PARP8: variants seen among roughly 807,000 people sequenced by gnomAD.
PARP8 encodes poly(ADP-ribose) polymerase family member 8, also known as protein mono-ADP-ribosyltransferase PARP8.
Under a neutral mutation model 124.1 loss-of-function variants are expected in PARP8, and 51 were observed. The ratio of observed to expected loss-of-function variants is 0.41; its 90% CI spans 0.33 to 0.52. The LOEUF is 0.52. Among genes scored for constraint, PARP8 ranks in the 20% least tolerant of loss-of-function variants. PARP8 has a pLI of 0.21. For missense variants in PARP8, 860 were observed against 1,018.9 expected (o/e 0.84, Z 2.12); for synonymous variants, 391 against 361.5 (o/e 1.08, Z -0.93).
chr5:50,684,613 G>T (rs1751656484), intron 2 of PARP8, among the ~76,000 whole-genome samples: 1 of 152,080 alleles, frequency 6.6e-6, no homozygotes, highest in South Asian at 2.1e-4. Flanking sequence ...TAAATCACAT[G>T]AGCCTGTCAG....
In PARP8 at chr5:50,788,600, T is replaced by C. The variant is rs773072635; in HGVS notation, c.737+11T>C. On this transcript the variant is annotated intron_variant, in intron 10 of 25. Transcript: ENST00000281631. ...ACATCAGCTGAAAAAGTAAGTTTGC[T>C]AAAGTGCAAAAAATAAATTTCTGCT... The C allele has an allele frequency of 6.2e-7, 1 of 1,606,340 alleles. No homozygotes were observed. Among genetic ancestry groups the C allele is most frequent in the South Asian group, 1.1e-5 (1 of 90,576 alleles).
intron 1 of PARP8, chr5:50,667,798 C>G (rs572025133): frequency 1.1e-5 from 11 of 964,860 alleles, no homozygotes; most frequent in Admixed American, 8.0e-5. Context: ...ACCGCGAGCC[C>G]GGCTGAGGCT....
intron 14 of PARP8, among the ~76,000 whole-genome samples, chr5:50,814,857 G>A (rs1345194719): frequency 1.3e-5 from 2 of 152,152 alleles, no homozygotes; most frequent in Non-Finnish European, 2.9e-5. Context: ...CAAAGTAATT[G>A]CAGAGTGTAT....
intron 18 of PARP8, among the ~76,000 whole-genome samples, chr5:50,825,879 A>T (rs1394258568): frequency 1.3e-5 from 2 of 152,162 alleles, no homozygotes; most frequent in South Asian, 2.1e-4. Flanking sequence ...CTTTCACTTC[A>T]TTAAAATTTT....
intron 14 of PARP8, among the ~76,000 whole-genome samples, chr5:50,803,705 T>G (rs1743491224): frequency 6.6e-6 from 1 of 152,170 alleles, no homozygotes; most frequent in African/African-American, 2.4e-5. Flanking sequence ...TTTTCTTCAT[T>G]TATTTAGATA....
At chr5:50,758,438 C>T (rs1760194941) in intron 3 of PARP8, among the ~76,000 whole-genome samples, 1 of 152,176 alleles carries the variant, frequency 6.6e-6, no homozygotes, top group African/African-American at 2.4e-5. Context: ...ATCATTCACT[C>T]ATTACTTGAG....
chr5:50,704,918 G>A (rs2149480570), intron 2 of PARP8, among the ~76,000 whole-genome samples: 1 of 152,284 alleles, frequency 6.6e-6, no homozygotes, highest in East Asian at 1.9e-4. Context: ...GATTACTCTA[G>A]AGCAGTGTAA....
At chr5:50,813,200 C>T (rs191923939) in intron 14 of PARP8, among the ~76,000 whole-genome samples, 9 of 152,196 alleles carry the variant, frequency 5.9e-5, no homozygotes, top group East Asian at 5.8e-4. Context: ...GCTATTTTCA[C>T]GAAATTGATT....
intron 10 of PARP8, among the ~76,000 whole-genome samples, chr5:50,793,296 A>G (rs992765235): frequency 7.2e-5 from 11 of 152,208 alleles, no homozygotes; most frequent in South Asian, 2.1e-4. Flanking sequence ...AGAAAAAGAA[A>G]CACATTTAAT....
intron 24 of PARP8, 39 bp from the exon 25 acceptor site, chr5:50,834,892 G>T: frequency 6.5e-7 from 1 of 1,533,896 alleles, no homozygotes; most frequent in Non-Finnish European, 9.0e-7. Context: ...GATTCCTTTA[G>T]AATAAAGTGG....
Position 50,668,098 on chromosome 5 carries a change from C to T in PARP8, c.119C>T (p.Thr40Ile). 2 of 1,611,934 alleles carry T rather than the reference C, an allele frequency of 1.2e-6. No homozygotes were observed. Among genetic ancestry groups the T allele is most frequent in the Admixed American group, 1.7e-5 (1 of 60,020 alleles). ...ADFRYSDSTFTFTYVGGPRSV... is the reference protein window; with the variant it reads ...ADFRYSDSTFIFTYVGGPRSV... The stretch of plus-strand genomic sequence containing the variant: ...TTCAGATACTCTGACTCCACCTTTA[C>T]TTTTACCTACGTTGGCGGCCCCAGA... Residue 40 changes from threonine to isoleucine, a missense_variant, in exon 2 of 26, where the codon ACT becomes ATT. Physicochemically the swap from Thr to Ile is moderately conservative, Grantham distance 89. Coordinates refer to ENST00000281631, the MANE Select transcript of PARP8 (RefSeq NM_024615.4).
intron 14 of PARP8, among the ~76,000 whole-genome samples, chr5:50,806,210 G>T (rs555717619): frequency 1.8e-4 from 27 of 152,028 alleles, no homozygotes; most frequent in African/African-American, 5.1e-4. Context: ...ATAGTAATTT[G>T]TTCAGTGTTA....
At chr5:50,808,684 T>C (rs1460547165) in intron 14 of PARP8, among the ~76,000 whole-genome samples, 1 of 152,076 alleles carries the variant, frequency 6.6e-6, no homozygotes, top group Non-Finnish European at 1.5e-5. Context: ...GAAAGCAGTA[T>C]GGCCTGACTC....
intron 11 of PARP8, 29 bp downstream of exon 11, chr5:50,794,361 T>G (rs1742286526): frequency 6.2e-7 from 1 of 1,609,306 alleles, no homozygotes; most frequent in Non-Finnish European, 8.5e-7. Context: ...CGTCATTGTC[T>G]TACTGAATGC....
intron 2 of PARP8, among the ~76,000 whole-genome samples, chr5:50,719,937 A>C (rs1755705645): frequency 1.3e-5 from 2 of 152,062 alleles, no homozygotes; most frequent in African/African-American, 4.8e-5. Flanking sequence ...AACTTCTAAA[A>C]GACTTAAGAG....
chr5:50,823,591 G>A (rs1746010361), intron 17 of PARP8, among the ~76,000 whole-genome samples: 1 of 152,116 alleles, frequency 6.6e-6, no homozygotes, highest in Non-Finnish European at 1.5e-5. Context: ...GAGAAAAAAA[G>A]AACATATTGG....
At chr5:50,682,140 A>G (rs1419293025) in intron 2 of PARP8, among the ~76,000 whole-genome samples, 1 of 152,174 alleles carries the variant, frequency 6.6e-6, no homozygotes, top group African/African-American at 2.4e-5. Flanking sequence ...AGATGGCAAT[A>G]CATAGATGGA....
chr5:50,762,202 G>C (rs1318658677), intron 6 of PARP8, among the ~76,000 whole-genome samples: 1 of 152,070 alleles, frequency 6.6e-6, no homozygotes, highest in African/African-American at 2.4e-5. Context: ...GTTGTGTTCA[G>C]TCACTATTCT....
At chr5:50,733,476 G>GT (rs1168869483) in intron 2 of PARP8, among the ~76,000 whole-genome samples, 1 of 151,998 alleles carries the variant, frequency 6.6e-6, no homozygotes, top group Non-Finnish European at 1.5e-5. Context: ...TGATGAAGTA[G>GT]TTTTTTAAAG....
Sources: allele counts gnomAD v4.1 joint callset (sites outside exome capture counted in the v4.1 genomes callset), GRCh38; gene constraint gnomAD v4.1.1; transcripts MANE v1.5; gene names NCBI Gene and HGNC (gene_info 2026-07-23, HGNC 2026-07-21).